TMEM207: variants seen among roughly 807,000 people sequenced by gnomAD.
TMEM207 encodes the protein SRSR846.
In TMEM207, 15 loss-of-function variants were observed where a neutral mutation model predicts 17.4. The observed-to-expected ratio is 0.86, with a 90% confidence interval of 0.58 to 1.33. The LOEUF (loss-of-function observed/expected upper bound fraction) is 1.33, where lower values mean the gene tolerates loss of function less well. TMEM207 is among the 40% of genes most tolerant of loss of function. The pLI, the probability that TMEM207 is intolerant of heterozygous loss-of-function variation, is 0.00. For synonymous variants in TMEM207, 70 were observed against 65.6 expected (o/e 1.07, Z -0.33); for missense variants, 205 against 173.8 (o/e 1.18, Z -1.01).
At chr3:190,437,523 T>C (rs552474462) in intron 4 of TMEM207, among the ~76,000 whole-genome samples, 1 of 152,312 alleles carries the variant, frequency 6.6e-6, no homozygotes, top group South Asian at 2.1e-4. Flanking sequence ...GTAAAACAAA[T>C]TGTGACCATA....
At chr3:190,435,324 T>G (rs1020362238) in intron 4 of TMEM207, among the ~76,000 whole-genome samples, 10 of 152,348 alleles carry the variant, frequency 6.6e-5, no homozygotes, top group African/African-American at 2.2e-4. Flanking sequence ...ACTTTGTGCC[T>G]GTCTGTGTGC....
chr3:190,444,120 T>G (rs1161285846), intron 2 of TMEM207, among the ~76,000 whole-genome samples: 1 of 152,222 alleles, frequency 6.6e-6, no homozygotes, highest in Non-Finnish European at 1.5e-5. Flanking sequence ...GCAGAGTTGC[T>G]TCATTGGTTT....
At chr3:190,436,003 T>A (rs987177557) in intron 4 of TMEM207, among the ~76,000 whole-genome samples, 3 of 152,252 alleles carry the variant, frequency 2.0e-5, no homozygotes, top group African/African-American at 7.2e-5. Flanking sequence ...CTATTTTATG[T>A]ATTTTAACAT....
chr3:190,435,723 C>G (rs1719790868), intron 4 of TMEM207, among the ~76,000 whole-genome samples: 1 of 152,176 alleles, frequency 6.6e-6, no homozygotes, highest in South Asian at 2.1e-4. Context: ...TATCTAAAGA[C>G]TGAATCAGCA....
intron 1 of TMEM207, among the ~76,000 whole-genome samples, chr3:190,448,928 C>T (rs1183659914): frequency 6.6e-6 from 1 of 152,076 alleles, no homozygotes; most frequent in Non-Finnish European, 1.5e-5. Context: ...TTCTTTTTTG[C>T]TAGAATGCTG....
intron 4 of TMEM207, among the ~76,000 whole-genome samples, chr3:190,435,863 C>T (rs1719793910): frequency 6.6e-6 from 1 of 152,230 alleles, no homozygotes; most frequent in South Asian, 2.1e-4. Context: ...GTGCTGGCAA[C>T]ACCCTCCTTA....
At chr3:190,446,119 C>T (rs558887930) in intron 2 of TMEM207, among the ~76,000 whole-genome samples, 75 of 152,192 alleles carry the variant, frequency 4.9e-4, no homozygotes, top group South Asian at 2.9e-3. Context: ...GCCATCTTTA[C>T]GGTCCTTTTC....
chr3:190,443,129 G>C (rs1719968661), intron 2 of TMEM207, among the ~76,000 whole-genome samples: 1 of 150,084 alleles, frequency 6.7e-6, no homozygotes, highest in Non-Finnish European at 1.5e-5. Flanking sequence ...TTGGTGTCCT[G>C]ACACAATTAA....
intron 2 of TMEM207, among the ~76,000 whole-genome samples, chr3:190,443,243 C>T (rs758664069): frequency 6.6e-6 from 1 of 150,510 alleles, no homozygotes; most frequent in Non-Finnish European, 1.5e-5. Flanking sequence ...TCTTCCTCCT[C>T]TTCCTTTACT....
intron 2 of TMEM207, among the ~76,000 whole-genome samples, chr3:190,443,201 T>C (rs1420570531): frequency 6.6e-6 from 1 of 151,782 alleles, no homozygotes; most frequent in Non-Finnish European, 1.5e-5. Flanking sequence ...TTGTGACATC[T>C]AAGCTCATGG....
At chr3:190,436,749 A>G (rs1719810089) in intron 4 of TMEM207, among the ~76,000 whole-genome samples, 1 of 152,210 alleles carries the variant, frequency 6.6e-6, no homozygotes, top group Non-Finnish European at 1.5e-5. Context: ...GTCTTAAAAT[A>G]TTGACTGCCT....
chr3:190,444,196 G>A (rs1434977165), intron 2 of TMEM207, among the ~76,000 whole-genome samples: 2 of 152,172 alleles, frequency 1.3e-5, no homozygotes, highest in African/African-American at 4.8e-5. Flanking sequence ...GTAACTTCAT[G>A]TGAAATAACG....
rs1418576205 is a variant in TMEM207, at chr3:190,437,163, TAGAG to T, written c.304+3077_304+3080del. Among the ~76,000 whole-genome samples, 64 of 152,284 alleles carry T rather than the reference TAGAG, an allele frequency of 4.2e-4. 1 individual carries two copies. The highest frequency in any genetic ancestry group is 3.3e-3 in the Admixed American group (51 of 15,290). On this transcript the variant is annotated intron_variant, in intron 4 of 4. Transcript: ENST00000354905. The stretch of plus-strand genomic sequence containing the variant: ...AACCAGTGGAATTGGGGTGAAAGAA[TAGAG>T]TGAGGATGGGCATGAAGATCCTGGA...
intron 4 of TMEM207, among the ~76,000 whole-genome samples, chr3:190,438,209 C>A (rs981386304): frequency 2.0e-5 from 3 of 151,616 alleles, no homozygotes; most frequent in Non-Finnish European, 4.4e-5. Flanking sequence ...AACTACCCTG[C>A]ACATTGTGCA....
At chr3:190,433,124 A>C (rs2108531947) in intron 4 of TMEM207, among the ~76,000 whole-genome samples, 1 of 152,284 alleles carries the variant, frequency 6.6e-6, no homozygotes, top group African/African-American at 2.4e-5. Flanking sequence ...TCCCTCTCCT[A>C]TGCTCTCAAA....
In TMEM207 at chr3:190,449,802, C is replaced by T. The variant is rs1044286074; in HGVS notation, c.8G>A (p.Arg3Lys). The stretch of plus-strand genomic sequence containing the variant: ...TGAGGTGACACTGAAAAGTCTGGAT[C>T]TTGACATATTTAAAGGACAGTCAAC... MS[R>K]SRLFSVTSAI... Residue 3 changes from arginine (R) to lysine (K), a missense_variant, in exon 1 of 5, where the codon AGA (arginine) becomes AAA (lysine). By Grantham distance (26) the Arg-to-Lys change is conservative. Transcript: ENST00000354905. 6.2e-7 allele frequency: 1 copy of T among 1,613,756 alleles called. No homozygotes were observed. The highest frequency in any genetic ancestry group is 1.7e-5 in the Admixed American group (1 of 59,996).
chr3:190,433,748 A>T (rs1229736407), intron 4 of TMEM207, among the ~76,000 whole-genome samples: 1 of 152,166 alleles, frequency 6.6e-6, no homozygotes, highest in African/African-American at 2.4e-5. Flanking sequence ...CTGTGTCCCC[A>T]CCCAAAACCA....
rs1720124681 is a variant in TMEM207 at position 190,449,846 on chromosome 3, GC to G, written c.-38del. The G allele has an allele frequency of 6.3e-7, 1 of 1,582,432 alleles. No homozygotes were observed. The highest frequency in any genetic ancestry group is 8.7e-7 in the Non-Finnish European group (1 of 1,151,612). ...AGTCAACTTAGGATAGTGGTTTGGTGCCTGTGTTTATTTCCTTCTTTCTCAG... is the reference window on the plus strand; with the variant it reads ...AGTCAACTTAGGATAGTGGTTTGGTGCTGTGTTTATTTCCTTCTTTCTCAG... On this transcript the variant is annotated 5_prime_UTR_variant, in exon 1 of 5. Coordinates refer to ENST00000354905, the MANE Select transcript of TMEM207 (RefSeq NM_207316.3).
Position 190,449,726 on chromosome 3 carries a change from G to A in TMEM207, c.75+9C>T, listed in dbSNP as rs376257421. 81 of 1,613,516 alleles carry A rather than the reference G, an allele frequency of 5.0e-5. No individual in the cohort carries two copies. In the African/African-American group the frequency reaches 9.7e-4, roughly 19 times the overall value. Reference sequence around the variant, plus strand: ...CTGAAAACCTTAACCCAGAAAGAGAGATAGTTACCTGGAATAGCGGCAAAC... The same window carrying A: ...CTGAAAACCTTAACCCAGAAAGAGAAATAGTTACCTGGAATAGCGGCAAAC... On this transcript the variant is annotated intron_variant, in intron 1 of 4. Coordinates refer to ENST00000354905, the MANE Select transcript of TMEM207 (RefSeq NM_207316.3).
Sources: allele counts gnomAD v4.1 joint callset (sites outside exome capture counted in the v4.1 genomes callset), GRCh38; gene constraint gnomAD v4.1.1; transcripts MANE v1.5; gene names NCBI Gene and HGNC (gene_info 2026-07-23, HGNC 2026-07-21).